DDX10: variants seen among roughly 807,000 people sequenced by gnomAD.
DDX10 encodes the protein probable ATP-dependent RNA helicase DDX10.
A neutral mutation model predicts 104.3 loss-of-function variants in DDX10; 74 were observed. The ratio of observed to expected loss-of-function variants is 0.71; its 90% CI spans 0.59 to 0.86. The LOEUF (loss-of-function observed/expected upper bound fraction) is 0.86, where lower values mean the gene tolerates loss of function less well. DDX10 is among the 40% of genes least tolerant of loss of function. DDX10 has a pLI of 0.00. For missense variants in DDX10, 952 were observed against 1,040.0 expected, an observed-to-expected ratio of 0.92 and a Z score of 1.16; for synonymous variants, 351 against 353.4, an observed-to-expected ratio of 0.99 and a Z score of 0.08.
intron 2 of DDX10, among the ~76,000 whole-genome samples, chr11:108,674,409 C>G (rs1185477514): frequency 6.6e-6 from 1 of 151,904 alleles, no homozygotes; most frequent in Non-Finnish European, 1.5e-5. Flanking sequence ...ATTACCTCAT[C>G]CTTTTGTGTT....
chr11:108,706,265 C>T (rs2094276080), intron 9 of DDX10, among the ~76,000 whole-genome samples: 1 of 152,176 alleles, frequency 6.6e-6, no homozygotes, highest in Non-Finnish European at 1.5e-5. Context: ...AGCCACCGCA[C>T]CCGGCCGAAC....
chr11:108,740,354 G>T (rs1040804976), intron 13 of DDX10, among the ~76,000 whole-genome samples: 2 of 152,088 alleles, frequency 1.3e-5, no homozygotes, highest in African/African-American at 4.8e-5. Flanking sequence ...TCCGATGTGT[G>T]TACATACCAC....
At position 108,676,871 on chromosome 11, in the gene DDX10, A is replaced by T. The variant is rs2094226020; in HGVS notation, c.379-214A>T. On this transcript the variant is annotated intron_variant, in intron 3 of 17. Coordinates refer to ENST00000322536, the MANE Select transcript of DDX10 (RefSeq NM_004398.4). ...GATGGCATGGCTCTGGCAGCAGCTG[A>T]ACTACCGTGGGGTTTCTTTTCCCTT... 1.3e-5 allele frequency among the ~76,000 whole-genome samples: 2 copies of T among 152,032 alleles called. 1 individual carries two copies. Among genetic ancestry groups the T allele is most frequent in the South Asian group, 4.1e-4 (2 of 4,830 alleles).
At chr11:108,704,483 G>A (rs1020539619) in intron 9 of DDX10, among the ~76,000 whole-genome samples, 2 of 152,194 alleles carry the variant, frequency 1.3e-5, no homozygotes, top group Non-Finnish European at 2.9e-5. Flanking sequence ...AGCATTAACT[G>A]ATTCCTGTCC....
chr11:108,900,961 A>G (rs555999542), intron 16 of DDX10, among the ~76,000 whole-genome samples: 2 of 152,146 alleles, frequency 1.3e-5, no homozygotes, highest in East Asian at 3.9e-4. Flanking sequence ...CATCACCTCT[A>G]CATGTTCCAT....
At chr11:108,673,198 TG>T (rs1276050331) in intron 1 of DDX10, among the ~76,000 whole-genome samples, 2 of 152,206 alleles carry the variant, frequency 1.3e-5, no homozygotes, top group Non-Finnish European at 2.9e-5. Flanking sequence ...TTCAACATTT[TG>T]GAGGTCAGAT....
chr11:108,809,809 A>G (rs1279992999), intron 13 of DDX10, among the ~76,000 whole-genome samples: 1 of 152,174 alleles, frequency 6.6e-6, no homozygotes, highest in African/African-American at 2.4e-5. Flanking sequence ...CAAAAAATGA[A>G]TTAACAAATC....
At chr11:108,860,000 AC>A (rs1316557068) in intron 16 of DDX10, among the ~76,000 whole-genome samples, 5 of 152,202 alleles carry the variant, frequency 3.3e-5, no homozygotes, top group Non-Finnish European at 7.3e-5. Flanking sequence ...GTTGAAAAAA[AC>A]ATGTAGATTC....
At chr11:108,746,567 A>AGT (rs138739525) in intron 13 of DDX10, among the ~76,000 whole-genome samples, 15,423 of 152,116 alleles carry the variant, frequency 0.1, 1,109 homozygotes, top group South Asian at 0.21. Flanking sequence ...TACACCTAGA[A>AGT]GTGCAGTTGC....
chr11:108,905,122 A>C (rs1287866544), intron 16 of DDX10, among the ~76,000 whole-genome samples: 1 of 152,096 alleles, frequency 6.6e-6, no homozygotes, highest in Non-Finnish European at 1.5e-5. Flanking sequence ...ATGTATATTT[A>C]CTTTATATTT....
intron 13 of DDX10, among the ~76,000 whole-genome samples, chr11:108,748,619 T>G (rs975617087): frequency 6.6e-6 from 1 of 152,138 alleles, no homozygotes; most frequent in African/African-American, 2.4e-5. Context: ...TATTGGGAAA[T>G]TAAGGTCTGA....
intron 13 of DDX10, among the ~76,000 whole-genome samples, chr11:108,829,093 T>TC (rs1862435998): frequency 6.6e-6 from 1 of 152,256 alleles, no homozygotes; most frequent in African/African-American, 2.4e-5. Context: ...CTTCTTTTCC[T>TC]CTGGGTAGAT....
rs561016413 is a variant in DDX10, at chr11:108,678,359, C to T, written c.582C>T (p.Leu194=). 5.4e-5 allele frequency: 87 copies of T among 1,612,806 alleles called. No homozygotes were observed. The highest frequency in any genetic ancestry group is 1.7e-4 in the Middle Eastern group (1 of 5,940). The change falls in exon 5 of 18, where the codon CTC becomes CTT. Residue 194 remains leucine (L), a synonymous_variant. Transcript: ENST00000322536. ...EAERINNINI[L]VCTPGRLLQH... ...AGAGGATCAACAACATAAATATACT[C>T]GTGTGCACACCAGGTCGGCTTCTTC...
intron 13 of DDX10, among the ~76,000 whole-genome samples, chr11:108,786,725 G>A (rs1337779735): frequency 6.6e-6 from 1 of 151,992 alleles, no homozygotes; most frequent in African/African-American, 2.4e-5. Flanking sequence ...TTTACTTTCA[G>A]CCTGTTTGTG....
At chr11:108,762,190 G>T (rs1259316256) in intron 13 of DDX10, among the ~76,000 whole-genome samples, 1 of 152,146 alleles carries the variant, frequency 6.6e-6, no homozygotes, top group East Asian at 1.9e-4. Flanking sequence ...GTTATTGAAT[G>T]CAGTGCTCAA....
intron 4 of DDX10, 77 bp from the exon 5 acceptor site, chr11:108,678,238 G>C (rs562264437): frequency 9.0e-6 from 13 of 1,448,054 alleles, no homozygotes; most frequent in African/African-American, 1.4e-5. Flanking sequence ...TGCCCATGCA[G>C]ATGGCTTTTA....
intron 14 of DDX10, among the ~76,000 whole-genome samples, 192 bp from the exon 15 acceptor site, chr11:108,841,123 G>T (rs893526043): frequency 6.6e-6 from 1 of 152,172 alleles, no homozygotes; most frequent in Non-Finnish European, 1.5e-5. Context: ...ATTGGGTATG[G>T]CAGTGTTACT....
At chr11:108,856,337 A>C (rs532189760) in intron 16 of DDX10, among the ~76,000 whole-genome samples, 1 of 152,314 alleles carries the variant, frequency 6.6e-6, no homozygotes, top group South Asian at 2.1e-4. Context: ...AGGGTGAGGC[A>C]GAAGAATCAC....
intron 1 of DDX10, among the ~76,000 whole-genome samples, chr11:108,671,841 C>T (rs1249302172): frequency 6.6e-6 from 1 of 151,946 alleles, no homozygotes; most frequent in South Asian, 2.1e-4. Flanking sequence ...GGGTGGATCA[C>T]GAGGTCAGGA....
Sources: gnomAD v4.1 joint callset for allele counts (sites outside exome capture counted in the v4.1 genomes callset) on GRCh38, gnomAD v4.1.1 for gene constraint, MANE v1.5 for transcripts, NCBI Gene and HGNC (gene_info 2026-07-23, HGNC 2026-07-21) for gene names.